Variants in KDM2B observed in about 807,000 individuals in gnomAD.
The protein encoded by KDM2B is lysine demethylase 2B, also known as lysine-specific demethylase 2B.
Under a neutral mutation model 150.0 loss-of-function variants are expected in KDM2B, and 26 were observed. The observed-to-expected ratio is 0.17, with a 90% confidence interval of 0.13 to 0.24. KDM2B has a LOEUF of 0.24. Among genes scored for constraint, KDM2B ranks in the 10% least tolerant of loss-of-function variants. KDM2B has a pLI of 1.00. For synonymous variants in KDM2B, 734 were observed against 729.5 expected (o/e 1.01, Z -0.10); for missense variants, 1,265 against 1,816.9 (o/e 0.70, Z 5.52).
chr12:121,443,619 G>C (rs1332850162), intron 17 of KDM2B, 61 bp downstream of exon 17: 3 of 963,346 alleles, frequency 3.1e-6, no homozygotes, highest in Non-Finnish European at 5.0e-6. Context: ...GGGTGGGGTG[G>C]GGGACAGCCC....
At chr12:121,529,640 C>A (rs1277776469) in intron 8 of KDM2B, among the ~76,000 whole-genome samples, 6 of 151,956 alleles carry the variant, frequency 3.9e-5, no homozygotes, top group African/African-American at 1.4e-4. Context: ...CTAAAATACT[C>A]ATCTAGGGGC....
intron 6 of KDM2B, among the ~76,000 whole-genome samples, chr12:121,547,045 T>A (rs1231293114): frequency 1.3e-5 from 2 of 152,132 alleles, no homozygotes; most frequent in Non-Finnish European, 2.9e-5. Context: ...AAGAAGGGGA[T>A]GTCCCCTGAT....
chr12:121,574,344 A>G (rs1891341013), intron 4 of KDM2B: 2 of 524,796 alleles, frequency 3.8e-6, no homozygotes, highest in Admixed American at 6.8e-5. Context: ...GTACCGGCAA[A>G]CGCCCTCTGA....
chr12:121,495,422 A>C (rs1883822829), intron 11 of KDM2B, among the ~76,000 whole-genome samples: 1 of 152,156 alleles, frequency 6.6e-6, no homozygotes, highest in South Asian at 2.1e-4. Context: ...TGGCCTCCCA[A>C]AGTGCTGGGA....
chr12:121,558,374 T>A (rs886215747), intron 4 of KDM2B, among the ~76,000 whole-genome samples: 6 of 151,906 alleles, frequency 3.9e-5, no homozygotes, highest in Non-Finnish European at 5.9e-5. Flanking sequence ...ACCTGGTAGG[T>A]CCTGAGCAGC....
intron 12 of KDM2B, among the ~76,000 whole-genome samples, chr12:121,483,793 G>A (rs757529879): frequency 3.1e-4 from 47 of 152,106 alleles, no homozygotes; most frequent in Non-Finnish European, 5.0e-4. Context: ...GTGTGGAAGC[G>A]CGTCAGCCAG....
chr12:121,532,441 T>C (rs4981000), intron 8 of KDM2B, among the ~76,000 whole-genome samples: 93,483 of 152,052 alleles, frequency 0.61, 31,215 homozygotes, highest in African/African-American at 0.89. Flanking sequence ...CTCTAAGTGG[T>C]CGATCCAGAA....
chr12:121,484,588 T>C (rs577954443), intron 12 of KDM2B, among the ~76,000 whole-genome samples: 1 of 151,958 alleles, frequency 6.6e-6, no homozygotes, highest in East Asian at 1.9e-4. Context: ...GAGGTCAAGG[T>C]GGGAGGATCA....
At chr12:121,556,745 A>G (rs540085544) in intron 4 of KDM2B, among the ~76,000 whole-genome samples, 55 of 151,856 alleles carry the variant, frequency 3.6e-4, no homozygotes, top group Non-Finnish European at 7.1e-4. Flanking sequence ...CCAGCTACTC[A>G]GGAGGCTGAG....
rs1221745906 is a variant in KDM2B, at chr12:121,520,241, A to ACACGTGATCAAGTC, written c.1047+730_1047+743dup. Among the ~76,000 whole-genome samples, 1 of 152,036 alleles carries ACACGTGATCAAGTC rather than the reference A, an allele frequency of 6.6e-6. No homozygotes were observed. The highest frequency in any genetic ancestry group is 1.5e-5 in the Non-Finnish European group (1 of 67,980). On this transcript the variant is annotated intron_variant, in intron 9 of 22. Transcript: ENST00000377071. The surrounding 1 kb of genome is among the most constrained non-coding windows in gnomAD (Gnocchi z 4.5). ...TGGGACCTGTCTTATGTGCCTAGGG[A>ACACGTGATCAAGTC]CACGTGATCAAGTCCTAGCACGAGA...
At chr12:121,413,703 G>A in the KDM2B span, among the ~76,000 whole-genome samples, 2 of 150,150 alleles carry the variant, frequency 1.3e-5, no homozygotes, top group African/African-American at 2.5e-5. Flanking sequence ...TCAGCCTCCC[G>A]AGTAGCTGGG....
chr12:121,471,792 C>A (rs963964668), intron 12 of KDM2B, among the ~76,000 whole-genome samples: 4 of 152,074 alleles, frequency 2.6e-5, no homozygotes, highest in African/African-American at 9.7e-5. Flanking sequence ...ATGTTGAGAC[C>A]AATGACGGGC....
rs2141179988 is a variant in KDM2B, at chr12:121,520,457, C to T, written c.1047+528G>A. ...AGCCTCGGCCCCAGGAAACTAGAGA[C>T]GTCCTCAGCAGACATGGAGACTACC... is the stretch of plus-strand genomic sequence containing the variant. On this transcript the variant is annotated intron_variant, in intron 9 of 22. Transcript: ENST00000377071. This position sits in a 1 kb window ranked among gnomAD's most constrained non-coding sequence, Gnocchi z 4.5. Among the ~76,000 whole-genome samples the T allele has an allele frequency of 6.6e-6, 1 of 152,250 alleles. No individual in the cohort carries two copies. Among genetic ancestry groups the T allele is most frequent in the African/African-American group, 2.4e-5 (1 of 41,522 alleles).
At chr12:121,456,048 C>A (rs782186727) in intron 12 of KDM2B, among the ~76,000 whole-genome samples, 2 of 152,252 alleles carry the variant, frequency 1.3e-5, no homozygotes, top group Non-Finnish European at 2.9e-5. Flanking sequence ...GTGGCCATCA[C>A]TTTACTGATG....
Position 121,429,107 on chromosome 12 carries a change from A to C in KDM2B, c.*1181T>G, listed in dbSNP as rs1555284747. 6.5e-6 allele frequency: 1 copy of C among 152,680 alleles called. No homozygotes were observed. Among genetic ancestry groups the C allele is most frequent in the African/African-American group, 2.4e-5 (1 of 41,468 alleles). The allele number at this position is 152,680 out of a possible 1,614,324, so 9.5% of individuals were successfully genotyped here. ...CAGAAATTACATTGTTTGGACTTCA[A>C]AACAGTGTTTACTGACTCTGGGCTT... On this transcript the variant is annotated 3_prime_UTR_variant, in exon 23 of 23. Transcript: ENST00000377071.
At chr12:121,433,204 G>T (rs1555285944) in intron 22 of KDM2B, 1 of 456,622 alleles carries the variant, frequency 2.2e-6, no homozygotes, top group African/African-American at 2.0e-5. Flanking sequence ...TTCCAACAAA[G>T]AAGCTAGAAG....
chr12:121,570,414 G>A (rs1224626705), intron 4 of KDM2B, among the ~76,000 whole-genome samples: 1 of 152,038 alleles, frequency 6.6e-6, no homozygotes, highest in African/African-American at 2.4e-5. Flanking sequence ...TTGAACTCCT[G>A]GCCTCAATCG....
intron 12 of KDM2B, among the ~76,000 whole-genome samples, chr12:121,456,818 C>T (rs1878312106): frequency 1.3e-5 from 2 of 152,206 alleles, no homozygotes; most frequent in South Asian, 4.1e-4. Flanking sequence ...GTTGAGACAT[C>T]TGGGAAAATC....
chr12:121,524,182 G>C (rs1555306382), intron 8 of KDM2B, among the ~76,000 whole-genome samples: 1 of 152,150 alleles, frequency 6.6e-6, no homozygotes, highest in Non-Finnish European at 1.5e-5. Flanking sequence ...CCAGGGGCTA[G>C]GGTTCCATCC....
Sources: allele counts gnomAD v4.1 joint callset (sites outside exome capture counted in the v4.1 genomes callset), GRCh38; gene constraint gnomAD v4.1.1; non-coding constraint Gnocchi (gnomAD v3.1); transcripts MANE v1.5; gene names NCBI Gene and HGNC (gene_info 2026-07-23, HGNC 2026-07-21).